Variants in ETV5 observed in about 807,000 individuals in gnomAD.
The protein encoded by ETV5 is ETS variant transcription factor 5.
In ETV5, 10 loss-of-function variants were observed where a neutral mutation model predicts 70.0. The observed-to-expected ratio is 0.14, with a 90% CI of 0.09 to 0.24. The LOEUF is 0.24. ETV5 is among the 10% of genes least tolerant of loss of function. ETV5 has a pLI of 1.00. For missense variants in ETV5, 453 were observed against 651.2 expected (o/e 0.70, Z 3.31); for synonymous variants, 216 against 242.2 (o/e 0.89, Z 1.01).
intron 7 of ETV5, among the ~76,000 whole-genome samples, chr3:186,066,712 C>A (rs146494945): frequency 6.0e-4 from 91 of 152,256 alleles, no homozygotes; most frequent in African/African-American, 2.0e-3. Context: ...AAAGCAAATG[C>A]CTTCCCAACT....
At chr3:186,099,451 G>T (rs922655856) in intron 5 of ETV5, among the ~76,000 whole-genome samples, 1 of 152,250 alleles carries the variant, frequency 6.6e-6, no homozygotes, top group African/African-American at 2.4e-5. Flanking sequence ...ATTCCAAGTG[G>T]AGAAGCACTG....
chr3:186,078,973 C>T (rs938584568), intron 7 of ETV5: 30 of 816,396 alleles, frequency 3.7e-5, no homozygotes, highest in Non-Finnish European at 4.1e-5. Context: ...TTCCCACTCC[C>T]GCCCCATTGT....
intron 1 of ETV5, chr3:186,108,616 G>A: frequency 8.5e-7 from 1 of 1,181,644 alleles, no homozygotes; most frequent in South Asian, 1.5e-5. Flanking sequence ...TCCAGAGACT[G>A]TGAAAGCCTC....
chr3:186,083,251 A>G (rs1713974189), intron 5 of ETV5, among the ~76,000 whole-genome samples: 1 of 152,334 alleles, frequency 6.6e-6, no homozygotes. Flanking sequence ...CAAAATAATG[A>G]GGAAAGGTAA....
chr3:186,053,860 G>A (rs984215802), intron 11 of ETV5, among the ~76,000 whole-genome samples: 9 of 152,228 alleles, frequency 5.9e-5, no homozygotes, highest in Non-Finnish European at 1.2e-4. Flanking sequence ...ATTGTACCCT[G>A]TTCAAAGCAA....
At chr3:186,066,942 G>A (rs1248115346) in intron 7 of ETV5, among the ~76,000 whole-genome samples, 1 of 152,202 alleles carries the variant, frequency 6.6e-6, no homozygotes, top group Non-Finnish European at 1.5e-5. Context: ...AAAAAAGTTA[G>A]ACCCCATTTT....
chr3:186,097,759 G>C (rs1714338936), intron 5 of ETV5, among the ~76,000 whole-genome samples: 1 of 152,214 alleles, frequency 6.6e-6, no homozygotes, highest in Non-Finnish European at 1.5e-5. Context: ...TGGAGAACAG[G>C]GAGCAGCAGG....
In ETV5 at chr3:186,047,472, T is replaced by C. The variant is rs1578532442; in HGVS notation, c.*1167A>G. ...AAGAATCCCAAGGGTTTTCACCAGG[T>C]GACCAGGTTTCCAAAGGACATGACA... On this transcript the variant is annotated 3_prime_UTR_variant, in exon 13 of 13. Coordinates refer to ENST00000306376, the MANE Select transcript of ETV5 (RefSeq NM_004454.3). 8.6e-6 allele frequency: 2 copies of C among 232,188 alleles called. No homozygotes were observed. Among genetic ancestry groups the C allele is most frequent in the East Asian group, 1.2e-4 (2 of 16,418 alleles). The allele number at this position is 232,188 out of a possible 1,614,324, so 14.4% of individuals were successfully genotyped here.
chr3:186,060,082 A>G, intron 9 of ETV5, among the ~76,000 whole-genome samples: 1 of 152,306 alleles, frequency 6.6e-6, no homozygotes, highest in South Asian at 2.1e-4. Context: ...ATGTATTTTG[A>G]TATTCCGGTG....
intron 1 of ETV5, chr3:186,108,735 C>G (rs916898397): frequency 6.8e-6 from 7 of 1,023,116 alleles, no homozygotes; most frequent in African/African-American, 1.7e-5. Context: ...AACCGTTAGC[C>G]GCACCCGCCC....
chr3:186,095,853 C>A (rs762243099), intron 5 of ETV5, among the ~76,000 whole-genome samples: 4 of 152,320 alleles, frequency 2.6e-5, no homozygotes, highest in Admixed American at 1.3e-4. Context: ...CAGCTGGAGG[C>A]TGGGGCAGCT....
rs903445410 is a variant in ETV5, at chr3:186,048,382, A to G, written c.*257T>C. ...TCCATGGTAAGGAGACTCCATTTTGATCTCTTCCCAGAAACCTCATCAGAA... is the reference window on the plus strand; with the variant it reads ...TCCATGGTAAGGAGACTCCATTTTGGTCTCTTCCCAGAAACCTCATCAGAA... On this transcript the variant is annotated 3_prime_UTR_variant, in exon 13 of 13. Coordinates refer to ENST00000306376, the MANE Select transcript of ETV5 (RefSeq NM_004454.3). The G allele has an allele frequency of 1.1e-5, 6 of 527,702 alleles. No individual in the cohort carries two copies. Among genetic ancestry groups the G allele is most frequent in the African/African-American group, 1.1e-4 (6 of 52,860 alleles). 32.7% of individuals were successfully genotyped at this position (527,702 alleles called of 1,614,324 possible). A position where few individuals can be genotyped will look rare whatever the true frequency, so the allele number is the denominator to read the frequency against.
rs569102015 is a variant in ETV5, at chr3:186,046,477, A to G, written c.*2162T>C. On this transcript the variant is annotated 3_prime_UTR_variant, in exon 13 of 13. Transcript: ENST00000306376. Reference sequence around the variant, plus strand: ...TTTCCACACTCTGGAAAAGAAGCAAACAAACAAACCCCAAAGAACCCCCGA... The same window carrying G: ...TTTCCACACTCTGGAAAAGAAGCAAGCAAACAAACCCCAAAGAACCCCCGA... The G allele has an allele frequency of 4.3e-6, 1 of 231,394 alleles. No individual in the cohort carries two copies. Among genetic ancestry groups the G allele is most frequent in the South Asian group, 1.8e-4 (1 of 5,494 alleles). 14.3% of individuals were successfully genotyped at this position (231,394 alleles called of 1,614,324 possible).
chr3:186,081,481 T>C (rs377417488), intron 5 of ETV5, among the ~76,000 whole-genome samples: 1 of 152,152 alleles, frequency 6.6e-6, no homozygotes, highest in African/African-American at 2.4e-5. Context: ...TTGCAGGTAA[T>C]GGGTCTCCAC....
chr3:186,082,165 A>G (rs1713947637), intron 5 of ETV5, among the ~76,000 whole-genome samples: 3 of 152,244 alleles, frequency 2.0e-5, no homozygotes, highest in African/African-American at 7.2e-5. Flanking sequence ...ATTTTGCGCT[A>G]TAAGGGCTGC....
At chr3:186,074,578 T>C (rs561742743) in intron 7 of ETV5, among the ~76,000 whole-genome samples, 1 of 152,242 alleles carries the variant, frequency 6.6e-6, no homozygotes, top group South Asian at 2.1e-4. Flanking sequence ...ATATTTATAT[T>C]AGAAAACCCA....
Position 186,079,900 on chromosome 3 carries a change from T to C in ETV5, c.567A>G (p.Gln189=). The change falls in exon 7 of 13, where the codon CAA becomes CAG. Residue 189 remains glutamine (Q), a synonymous_variant. Transcript: ENST00000306376. ...HSLPEPGPQQ[Q]TFAVPRPPHQ... ...GTGGTGGTCGGGGGACCGCAAATGT[T>C]TGCTGCTGTGGTCCAGGCTCTGGAA... is the stretch of plus-strand genomic sequence containing the variant. 1 of 1,605,686 alleles carries C rather than the reference T, an allele frequency of 6.2e-7. No individual in the cohort carries two copies. Among genetic ancestry groups the C allele is most frequent in the African/African-American group, 1.3e-5 (1 of 74,240 alleles).
At chr3:186,072,650 C>G (rs1713671651) in intron 7 of ETV5, among the ~76,000 whole-genome samples, 1 of 152,190 alleles carries the variant, frequency 6.6e-6, no homozygotes, top group South Asian at 2.1e-4. Context: ...GGCCTGCCAA[C>G]ATTGCTGAGA....
intron 7 of ETV5, chr3:186,079,186 T>C: frequency 2.7e-6 from 2 of 737,498 alleles, no homozygotes; most frequent in Non-Finnish European, 3.4e-6. Flanking sequence ...AGAGGTCAGG[T>C]TTGGAGTGTG....
Sources: allele counts gnomAD v4.1 joint callset (sites outside exome capture counted in the v4.1 genomes callset), GRCh38; gene constraint gnomAD v4.1.1; transcripts MANE v1.5; gene names NCBI Gene and HGNC (gene_info 2026-07-23, HGNC 2026-07-21).